BDP1: variants seen among roughly 807,000 people sequenced by gnomAD.
BDP1 encodes BDP1 general transcription factor IIIB subunit, also known as transcription factor TFIIIB component B'' homolog.
BDP1 carries 169 observed loss-of-function variants against 266.6 expected under a neutral mutation model. The observed-to-expected ratio is 0.63, with a 90% CI of 0.56 to 0.72. The LOEUF (loss-of-function observed/expected upper bound fraction) is 0.72. Among genes scored for constraint, BDP1 ranks in the 30% least tolerant of loss-of-function variants. The pLI is 0.00. For synonymous variants in BDP1, 1,090 were observed against 1,022.4 expected (o/e 1.07, Z -1.26); for missense variants, 3,015 against 3,053.8 (o/e 0.99, Z 0.30).
chr5:71,523,207 C>T (rs1765598599), intron 24 of BDP1, among the ~76,000 whole-genome samples: 1 of 152,216 alleles, frequency 6.6e-6, no homozygotes, highest in South Asian at 2.1e-4. Context: ...TAGAAACCAG[C>T]ACTGCTCTAG....
chr5:71,509,344 C>A, intron 16 of BDP1, 121 bp from the exon 17 acceptor site: 1 of 1,148,650 alleles, frequency 8.7e-7, no homozygotes, highest in South Asian at 2.3e-5. Context: ...ATTCCTAGGC[C>A]TTCCTTAATT....
At chr5:71,532,057 A>G (rs1264871610) in intron 25 of BDP1, among the ~76,000 whole-genome samples, 1 of 152,218 alleles carries the variant, frequency 6.6e-6, no homozygotes, top group Non-Finnish European at 1.5e-5. Context: ...AGGCACTAAG[A>G]AGATGAGTCT....
In BDP1 at chr5:71,510,819, G is replaced by A; in HGVS notation, c.3727G>A (p.Glu1243Lys). The change falls in exon 17 of 39, where the codon GAG (glutamate) becomes AAG (lysine). Residue 1243 changes from glutamate (E) to lysine (K), a missense_variant. Around this residue, in one of 3 missense-constraint regions of BDP1, gnomAD observed 2,383 missense variants for 2,404.9 expected, o/e 0.99. Transcript: ENST00000358731. ...TTCCCAAAGGGAAAAGGTGCTAGCA[G>A]AGTTCAGTGCTATAAGGGAAAAGGA... is the stretch of plus-strand genomic sequence containing the variant. Reference protein sequence around the residue: ...EISQREKVLAEFSAIREKEID... With the variant: ...EISQREKVLAKFSAIREKEID... The A allele has an allele frequency of 6.2e-7, 1 of 1,613,542 alleles. No homozygotes were observed. Among genetic ancestry groups the A allele is most frequent in the Non-Finnish European group, 8.5e-7 (1 of 1,179,812 alleles).
chr5:71,465,880 A>G (rs564671369), intron 4 of BDP1, among the ~76,000 whole-genome samples: 20 of 144,258 alleles, frequency 1.4e-4, no homozygotes, highest in Non-Finnish European at 3.0e-4. Flanking sequence ...AACTCCATCT[A>G]AAAAAAAAAA....
intron 20 of BDP1, among the ~76,000 whole-genome samples, chr5:71,515,499 A>C (rs1765169900): frequency 6.6e-6 from 1 of 152,200 alleles, no homozygotes; most frequent in Non-Finnish European, 1.5e-5. Flanking sequence ...TCAACTGATA[A>C]GTATAATGCA....
At position 71,458,391 on chromosome 5, in the gene BDP1, G is replaced by A. The variant is rs573878966; in HGVS notation, c.213-188G>A. On this transcript the variant is annotated intron_variant, in intron 1 of 38. Coordinates refer to ENST00000358731, the MANE Select transcript of BDP1 (RefSeq NM_018429.3). ...AGATTAAGAGTCTATTAGAATTTAC[G>A]TATATTTAAAAGATTTACTAAACAA... 8.6e-5 allele frequency among the ~76,000 whole-genome samples: 13 copies of A among 151,894 alleles called. No individual in the cohort carries two copies. The South Asian group carries it at 1.9e-3, about 22-fold the overall frequency.
intron 25 of BDP1, among the ~76,000 whole-genome samples, chr5:71,530,980 G>T (rs1030824057): frequency 6.6e-6 from 1 of 152,076 alleles, no homozygotes; most frequent in Non-Finnish European, 1.5e-5. Context: ...GGGCTGAGGC[G>T]GGAGGATTGC....
Position 71,544,390 on chromosome 5 carries a change from T to C in BDP1, c.6446T>C (p.Leu2149Ser), listed in dbSNP as rs1257571045. 1.9e-6 allele frequency: 3 copies of C among 1,612,490 alleles called. No individual in the cohort carries two copies. In the African/African-American group the frequency reaches 4.0e-5, roughly 22 times the overall value. ...TEKNASKATE[L>S]ENKNLGPVTT... ...AAAAATGCTTCCAAAGCAACAGAAT[T>C]GGAAAATAAAAACCTCGGACCAGTT... Residue 2149 changes from leucine (L) to serine (S), a missense_variant, in exon 31 of 39, where the codon TTG becomes TCG. By Grantham distance (145) the Leu-to-Ser change is moderately radical. Around this residue, in one of 3 missense-constraint regions of BDP1, gnomAD observed 629 missense variants for 632.5 expected, o/e 0.99. Coordinates refer to ENST00000358731, the MANE Select transcript of BDP1 (RefSeq NM_018429.3).
chr5:71,503,673 C>T (rs1164138460), intron 15 of BDP1, among the ~76,000 whole-genome samples: 2 of 151,966 alleles, frequency 1.3e-5, no homozygotes, highest in Non-Finnish European at 2.9e-5. Context: ...CTTATAATTC[C>T]CATGGTCTCT....
intron 11 of BDP1, among the ~76,000 whole-genome samples, chr5:71,492,007 C>T (rs138249178): frequency 1.6e-4 from 24 of 152,332 alleles, no homozygotes; most frequent in African/African-American, 4.1e-4. Context: ...TGAGTCACAG[C>T]GCCCAGCCTC....
In BDP1 at chr5:71,492,459, T is replaced by C. The variant is rs929132245; in HGVS notation, c.1640+1328T>C. Among the ~76,000 whole-genome samples the C allele has an allele frequency of 7.9e-5, 12 of 152,212 alleles. No individual in the cohort carries two copies. The East Asian group carries it at 9.6e-4, about 12-fold the overall frequency. ...TGAACAGGTAGAAGGTGGTTTCTTATGGTTGTTTTGATTTGCATTTCCCGG... is the reference window on the plus strand; with the variant it reads ...TGAACAGGTAGAAGGTGGTTTCTTACGGTTGTTTTGATTTGCATTTCCCGG... On this transcript the variant is annotated intron_variant, in intron 11 of 38. Transcript: ENST00000358731.
At chr5:71,485,824 G>A (rs149560371) in intron 8 of BDP1, among the ~76,000 whole-genome samples, 3,563 of 152,246 alleles carry the variant, frequency 0.023, 70 homozygotes, top group South Asian at 0.073. Flanking sequence ...ATATGGTGGT[G>A]AACAGGCATT....
rs913585668 is a variant in BDP1 at position 71,484,033 on chromosome 5, TCTGTTTAG to T, written c.1069+139_1069+146del. On this transcript the variant is annotated intron_variant, in intron 8 of 38. Coordinates refer to ENST00000358731, the MANE Select transcript of BDP1 (RefSeq NM_018429.3). ...TTAAGAGGAAGCAGTCTGAAATTTT[TCTGTTTAG>T]CAGTATGGGTCTGGCACTTGCTACA... 8.2e-5 allele frequency: 57 copies of T among 694,698 alleles called. No individual in the cohort carries two copies. In the Middle Eastern group the frequency reaches 1.8e-3, roughly 22 times the overall value. 43.0% of individuals were successfully genotyped at this position (694,698 alleles called of 1,614,324 possible).
chr5:71,551,879 C>T lies in BDP1; in HGVS notation c.6996-1237C>T, dbSNP rs1434984655. On this transcript the variant is annotated intron_variant, in intron 34 of 38. Coordinates refer to ENST00000358731, the MANE Select transcript of BDP1 (RefSeq NM_018429.3). The stretch of plus-strand genomic sequence containing the variant: ...ACAGAGGCGCCCCTCACCTCCCGGA[C>T]GGGGCAGCTGGCCAGGCGGGGGGCT... Among the ~76,000 whole-genome samples, 11 of 148,772 alleles carry T rather than the reference C, an allele frequency of 7.4e-5. No homozygotes were observed. In the East Asian group the frequency reaches 8.3e-4, roughly 11 times the overall value.
At chr5:71,472,714 A>G (rs1010179238) in intron 7 of BDP1, among the ~76,000 whole-genome samples, 7 of 152,128 alleles carry the variant, frequency 4.6e-5, no homozygotes, top group African/African-American at 1.4e-4. Context: ...ATTGAGCTGA[A>G]AAGTGTTCCC....
In BDP1 at chr5:71,500,316, C is replaced by CT. The variant is rs58201517; in HGVS notation, c.1957-1220dup. On this transcript the variant is annotated intron_variant, in intron 13 of 38. Coordinates refer to ENST00000358731, the MANE Select transcript of BDP1 (RefSeq NM_018429.3). ...TCTTTGAAGTGTTGTAATCTTGTTT[C>CT]TTTTTTTTTTTTTTTTTTTTTTTTT... Among the ~76,000 whole-genome samples, 518 of 73,050 alleles carry CT rather than the reference C, an allele frequency of 7.1e-3. 24 individuals are homozygous for CT. Among genetic ancestry groups the CT allele is most frequent in the South Asian group, 0.012 (21 of 1,716 alleles). 47.9% of individuals were successfully genotyped at this position (73,050 alleles called of 152,430 possible).
chr5:71,469,893 G>A (rs1262276637), intron 6 of BDP1, among the ~76,000 whole-genome samples: 1 of 147,456 alleles, frequency 6.8e-6, no homozygotes, highest in Non-Finnish European at 1.5e-5. Context: ...CCAGGTTGGA[G>A]TGCAATGGCA....
intron 15 of BDP1, among the ~76,000 whole-genome samples, chr5:71,503,000 T>C (rs1421920945): frequency 5.0e-5 from 7 of 139,350 alleles, no homozygotes; most frequent in Non-Finnish European, 9.3e-5. Flanking sequence ...GTGATTCTCC[T>C]GCCTCAGCCA....
At chr5:71,481,016 T>C (rs1398187452) in intron 7 of BDP1, among the ~76,000 whole-genome samples, 3 of 151,912 alleles carry the variant, frequency 2.0e-5, no homozygotes, top group Admixed American at 1.3e-4. Context: ...CTACTAAAAA[T>C]GTGAAAAATT....
Sources: gnomAD v4.1 joint callset for allele counts (sites outside exome capture counted in the v4.1 genomes callset) on GRCh38, gnomAD v4.1.1 for gene constraint, gnomAD v4.1.1 regional missense constraint, MANE v1.5 for transcripts, NCBI Gene and HGNC (gene_info 2026-07-23, HGNC 2026-07-21) for gene names.